DNMBP: variants seen among roughly 807,000 people sequenced by gnomAD.
DNMBP encodes the protein dynamin binding protein, also known as dynamin-binding protein.
DNMBP carries 87 observed loss-of-function variants against 150.0 expected under a neutral mutation model. The observed-to-expected ratio is 0.58, with a 90% CI of 0.49 to 0.69. The LOEUF is 0.69. Among genes scored for constraint, DNMBP ranks in the 30% least tolerant of loss-of-function variants. The probability of loss-of-function intolerance (pLI) is 0.00; values close to 1 mark genes in which losing one functional copy is unlikely to be tolerated. For synonymous variants in DNMBP, 711 were observed against 750.4 expected, an observed-to-expected ratio of 0.95 and a Z score of 0.86; for missense variants, 1,774 against 1,949.0, an observed-to-expected ratio of 0.91 and a Z score of 1.69.
intron 8 of DNMBP, 123 bp from the exon 9 acceptor site, chr10:99,898,408 G>T: frequency 1.3e-6 from 1 of 777,022 alleles, no homozygotes; most frequent in Non-Finnish European, 2.2e-6. Flanking sequence ...TACACCTATG[G>T]GCAGGATTTG....
intron 4 of DNMBP, 111 bp from the exon 5 acceptor site, chr10:99,909,257 C>CA: frequency 1.2e-6 from 1 of 808,094 alleles, no homozygotes; most frequent in African/African-American, 1.7e-5. Context: ...TCACTATTGT[C>CA]AACCCTCAGG....
intron 4 of DNMBP, among the ~76,000 whole-genome samples, chr10:99,915,106 A>T (rs866952142): frequency 2.4e-4 from 25 of 102,738 alleles, no homozygotes; most frequent in Non-Finnish European, 4.1e-4. Flanking sequence ...AAAAAAAAAA[A>T]AAATATATAT....
At chr10:99,884,435 C>T (rs1218627672) in intron 14 of DNMBP, among the ~76,000 whole-genome samples, 3 of 152,122 alleles carry the variant, frequency 2.0e-5, no homozygotes, top group African/African-American at 7.2e-5. Context: ...ATTTAACACA[C>T]ACCTATTCTT....
intron 6 of DNMBP, among the ~76,000 whole-genome samples, chr10:99,904,580 G>C (rs959598344): frequency 6.6e-6 from 1 of 152,184 alleles, no homozygotes. Flanking sequence ...CCTTCCGTTA[G>C]AGCCACCGGC....
Position 99,915,111 on chromosome 10 carries a change from AT to A in DNMBP, c.2261-5966del, listed in dbSNP as rs1564730477. On this transcript the variant is annotated intron_variant, in intron 4 of 16. Transcript: ENST00000324109. The stretch of plus-strand genomic sequence containing the variant: ...CTCTGTCTCAAAAAAAAAAAAAAAT[AT>A]ATATATATATATATATACACACACA... Among the ~76,000 whole-genome samples, 163 of 101,390 alleles carry A rather than the reference AT, an allele frequency of 1.6e-3. 1 individual carries two copies. The highest frequency in any genetic ancestry group is 5.3e-3 in the African/African-American group (135 of 25,576). The allele number at this position is 101,390 out of a possible 152,430, so 66.5% of individuals were successfully genotyped here. A position where few individuals can be genotyped will look rare whatever the true frequency, so the allele number is the denominator to read the frequency against.
rs1385712571 is a variant in DNMBP, at chr10:99,955,702, C to T, written c.1772G>A (p.Gly591Asp). The T allele has an allele frequency of 1.2e-6, 2 of 1,614,196 alleles. No individual in the cohort carries two copies. The highest frequency in any genetic ancestry group is 1.7e-6 in the Non-Finnish European group (2 of 1,180,032). The change falls in exon 4 of 17, where the codon GGT becomes GAT. Residue 591 changes from glycine to aspartate, a missense_variant. Physicochemically the swap from Gly to Asp is moderately conservative, Grantham distance 94. Transcript: ENST00000324109. ...CTGCTCGGTGATTAACTTTGAGGAA[C>T]CTCGGACAATATCCTTCTCAGAGTT... The part of the protein sequence containing the change: ...DFNSEKDIVR[G>D]SSKLITEQEL...
At chr10:99,888,981 C>T in intron 11 of DNMBP, 28 bp from the exon 12 acceptor site, 1 of 1,610,462 alleles carries the variant, frequency 6.2e-7, no homozygotes, top group Non-Finnish European at 8.5e-7. Context: ...AGACACAAGT[C>T]AGAACAGACA....
Position 99,898,138 on chromosome 10 carries a change from C to T in DNMBP, c.2868G>A (p.Ala956=), listed in dbSNP as rs778794637. 111 of 1,613,840 alleles carry T rather than the reference C, an allele frequency of 6.9e-5. No homozygotes were observed. Among genetic ancestry groups the T allele is most frequent in the Non-Finnish European group, 8.7e-5 (103 of 1,180,008 alleles). The change falls in exon 9 of 17, where the codon GCG becomes GCA. Residue 956 remains alanine, a synonymous_variant. Coordinates refer to ENST00000324109, the MANE Select transcript of DNMBP (RefSeq NM_015221.4). ...TAATGTTAACGTTGATTTCCTTGAC[C>T]GCAAGGACTGCATTGGTTAAAGGCA... ...DKVPLTNAVL[A]VKEINVNINE...
intron 1 of DNMBP, among the ~76,000 whole-genome samples, chr10:100,002,187 C>G (rs1233945411): frequency 2.6e-5 from 4 of 152,096 alleles, no homozygotes; most frequent in Admixed American, 6.5e-5. Context: ...AAAACAGAGA[C>G]AGAGAAATAA....
chr10:99,878,420 TCTAAGAAAGGTC>T (rs1413730964), intron 16 of DNMBP, among the ~76,000 whole-genome samples: 1 of 152,214 alleles, frequency 6.6e-6, no homozygotes, highest in Non-Finnish European at 1.5e-5. Context: ...TCGAACTCAA[TCTAAGAAAGGTC>T]CTTCTTTTCC....
chr10:99,938,325 C>T (rs1189504089), intron 4 of DNMBP, among the ~76,000 whole-genome samples: 1 of 152,142 alleles, frequency 6.6e-6, no homozygotes, highest in Non-Finnish European at 1.5e-5. Flanking sequence ...GGGCGGATCA[C>T]TTGAGGTCAG....
At position 99,884,216 on chromosome 10, in the gene DNMBP, G is replaced by GGT. The variant is rs1432286132; in HGVS notation, c.3799-9_3799-8dup. 13 of 1,607,890 alleles carry GGT rather than the reference G, an allele frequency of 8.1e-6. No individual in the cohort carries two copies. Among genetic ancestry groups the GGT allele is most frequent in the Middle Eastern group, 2.1e-4 (1 of 4,842 alleles). On this transcript the variant is annotated splice_polypyrimidine_tract_variant and splice_region_variant and intron_variant, in intron 14 of 16. Coordinates refer to ENST00000324109, the MANE Select transcript of DNMBP (RefSeq NM_015221.4). ...ACTGTAGCATGTAACTTGGCTGAAA[G>GGT]GTAAGACGTTAACAAAAATCTCTCA...
intron 4 of DNMBP, chr10:99,931,053 G>A: frequency 3.1e-6 from 1 of 319,640 alleles, no homozygotes; most frequent in Non-Finnish European, 5.6e-6. Flanking sequence ...TTTCCCTCAA[G>A]CTGGTCAAAC....
At chr10:99,898,828 T>C (rs3740057) in intron 7 of DNMBP, 68 bp from the exon 8 acceptor site, 626,411 of 1,399,874 alleles carry the variant, frequency 0.45, 142,900 homozygotes, top group South Asian at 0.46. Flanking sequence ...GTTTCACATT[T>C]TTCTCAGAAC....
chr10:99,877,023 A>G lies in DNMBP; in HGVS notation c.*128T>C. 1.3e-6 allele frequency: 1 copy of G among 746,696 alleles called. No individual in the cohort carries two copies. Among genetic ancestry groups the G allele is most frequent in the South Asian group, 1.8e-5 (1 of 54,184 alleles). 46.3% of individuals were successfully genotyped at this position (746,696 alleles called of 1,614,324 possible). A position where few individuals can be genotyped will look rare whatever the true frequency, so the allele number is the denominator to read the frequency against. On this transcript the variant is annotated 3_prime_UTR_variant, in exon 17 of 17. Transcript: ENST00000324109. The stretch of plus-strand genomic sequence containing the variant: ...GAGAACAAGATCTGTGGTGTGCTCC[A>G]CCATGCCATGGTTAAGCAACGCAGA...
intron 4 of DNMBP, among the ~76,000 whole-genome samples, chr10:99,920,201 G>A (rs1035475430): frequency 5.3e-5 from 8 of 151,512 alleles, no homozygotes; most frequent in Non-Finnish European, 8.8e-5. Context: ...TCAGCCTCCC[G>A]AGTAGCTGGG....
At chr10:99,971,615 G>C (rs1464770878) in intron 2 of DNMBP, among the ~76,000 whole-genome samples, 1 of 152,024 alleles carries the variant, frequency 6.6e-6, no homozygotes, top group African/African-American at 2.4e-5. Context: ...TTCACCTCCT[G>C]GGTTCAAGCA....
At chr10:99,940,396 CCAAA>C (rs2040281691) in intron 4 of DNMBP, among the ~76,000 whole-genome samples, 1 of 152,056 alleles carries the variant, frequency 6.6e-6, no homozygotes, top group Non-Finnish European at 1.5e-5. Context: ...GCCTGTGAAC[CCAAA>C]CACTCTGCCT....
At position 99,956,487 on chromosome 10, in the gene DNMBP, C is replaced by T; in HGVS notation, c.987G>A (p.Glu329=). The change falls in exon 4 of 17, where the codon GAG becomes GAA. Residue 329 remains glutamate (E), a synonymous_variant. Transcript: ENST00000324109. ...RIPETSLDCL[E]NTLGVEEQRH... ...TTTGTTCCTCTACTCCTAAGGTGTT[C>T]TCCAAACAATCCAAAGAAGTTTCCG... 3.7e-6 allele frequency: 6 copies of T among 1,614,110 alleles called. No homozygotes were observed. The highest frequency in any genetic ancestry group is 5.1e-6 in the Non-Finnish European group (6 of 1,180,026).
Sources: allele counts gnomAD v4.1 joint callset (sites outside exome capture counted in the v4.1 genomes callset), GRCh38; gene constraint gnomAD v4.1.1; transcripts MANE v1.5; gene names NCBI Gene and HGNC (gene_info 2026-07-23, HGNC 2026-07-21).